CCDC87: variants seen among roughly 807,000 people sequenced by gnomAD.
CCDC87 encodes the protein coiled-coil domain containing 87.
For missense variants in CCDC87, 1,072 were observed against 1,041.7 expected (o/e 1.03, Z -0.40); for synonymous variants, 434 against 440.2 (o/e 0.99, Z 0.18).
chr11:66,591,460 G>C lies in CCDC87; in HGVS notation c.1556C>G (p.Ala519Gly), dbSNP rs1385131850. 5.0e-6 allele frequency: 8 copies of C among 1,614,048 alleles called. No individual in the cohort carries two copies. The highest frequency in any genetic ancestry group is 2.7e-5 in the African/African-American group (2 of 74,912). The change falls in exon 1 of 1, where the codon GCA (alanine) becomes GGA (glycine). Residue 519 changes from alanine (A) to glycine (G), a missense_variant. Physicochemically the swap from Ala to Gly is moderately conservative, Grantham distance 60 (BLOSUM62 0). Transcript: ENST00000333861. ...CAGGAAGGTCGACCAGTCTTTATCT[G>C]CTGCAGGCTCAACTAGGGGCCCTTG... Reference protein sequence around the residue: ...FDQGPLVEPAADKDWSTFLSS... With the variant: ...FDQGPLVEPAGDKDWSTFLSS...
At position 66,591,783 on chromosome 11, in the gene CCDC87, A is replaced by T; in HGVS notation, c.1233T>A (p.Ser411=). Residue 411 remains serine, a synonymous_variant, in exon 1 of 1, where the codon TCT becomes TCA. Coordinates refer to ENST00000333861, the MANE Select transcript of CCDC87 (RefSeq NM_018219.3). ...MLRNLQEEEA[S]GQWDPQPPKS... ...TGGGGGGCTGGGGGTCCCACTGCCC[A>T]GAGGCTTCTTCCTCCTGGAGGTTCC... The T allele has an allele frequency of 6.2e-7, 1 of 1,613,626 alleles. No individual in the cohort carries two copies. The highest frequency in any genetic ancestry group is 8.5e-7 in the Non-Finnish European group (1 of 1,179,990).
Position 66,592,087 on chromosome 11 carries a change from TG to T in CCDC87, c.928del (p.Gln310AsnfsTer26), listed in dbSNP as rs1858376089. The T allele has an allele frequency of 6.2e-7, 1 of 1,603,200 alleles. No homozygotes were observed. The highest frequency in any genetic ancestry group is 1.1e-5 in the South Asian group (1 of 89,832). On this transcript the variant is annotated frameshift_variant, in exon 1 of 1. Coordinates refer to ENST00000333861, the MANE Select transcript of CCDC87 (RefSeq NM_018219.3). LOFTEE classifies it low-confidence loss of function (END_TRUNC). The part of the protein sequence containing the change: ...SPFCPELRRG[Q>X]SMPSLREGWR... ...GCCCTCACGCAGGGAGGGCATGGAT[TG>T]GCCTCTCCGGAGCTCAGGGCAGAAA...
Position 66,590,363 on chromosome 11 carries a change from G to T in CCDC87, c.*103C>A. ...ATAGACAAATATTTCTTCTTCCAAA[G>T]CAGTAAAGAGGTCTAGATGAGCTGC... is the stretch of plus-strand genomic sequence containing the variant. On this transcript the variant is annotated 3_prime_UTR_variant, in exon 1 of 1. Transcript: ENST00000333861. The T allele has an allele frequency of 1.2e-6, 1 of 819,236 alleles. No individual in the cohort carries two copies. The highest frequency in any genetic ancestry group is 1.7e-5 in the South Asian group (1 of 59,150). The allele number at this position is 819,236 out of a possible 1,614,324, so 50.7% of individuals were successfully genotyped here.
chr11:66,590,619 G>A lies in CCDC87; in HGVS notation c.2397C>T (p.Ile799=). 1.2e-6 allele frequency: 2 copies of A among 1,614,220 alleles called. No homozygotes were observed. Among genetic ancestry groups the A allele is most frequent in the Non-Finnish European group, 1.7e-6 (2 of 1,180,038 alleles). The change falls in exon 1 of 1, where the codon ATC becomes ATT. Residue 799 remains isoleucine (I), a synonymous_variant. Coordinates refer to ENST00000333861, the MANE Select transcript of CCDC87 (RefSeq NM_018219.3). ...TGTCCAGGTAGGGCCGCCCCTTGAA[G>A]ATCACTGGCTCGCCAAAGATTAACT... ...EIELIFGEPV[I]FKGRPYLDKM...
chr11:66,592,465 C>T lies in CCDC87; in HGVS notation c.551G>A (p.Arg184Lys). The T allele has an allele frequency of 6.2e-7, 1 of 1,613,868 alleles. No homozygotes were observed. Among genetic ancestry groups the T allele is most frequent in the Non-Finnish European group, 8.5e-7 (1 of 1,180,016 alleles). ...CACATCCCCAGAGGCCTGCTCTGCC[C>T]TCAGCAGGGCCTGGAAGTCGGCAAG... ...GLLADFQALL[R>K]AEQASGDVDK... is the part of the protein sequence containing the mutation. The change falls in exon 1 of 1, where the codon AGG becomes AAG. Residue 184 changes from arginine (R) to lysine (K), a missense_variant. By Grantham distance (26) the Arg-to-Lys change is conservative. Coordinates refer to ENST00000333861, the MANE Select transcript of CCDC87 (RefSeq NM_018219.3).
Position 66,591,007 on chromosome 11 carries a change from T to TGG in CCDC87, c.2007_2008dup (p.His670ProfsTer10). Reference sequence around the variant, plus strand: ...CAGAATTTTGTGGGGTTCTCCCAGGTGGGGTGTCTTCCCAGCTCCTAGCCT... The same window carrying TGG: ...CAGAATTTTGTGGGGTTCTCCCAGGTGGGGGGTGTCTTCCCAGCTCCTAGCCT... On this transcript the variant is annotated frameshift_variant, in exon 1 of 1. Transcript: ENST00000333861. LOFTEE classifies it low-confidence loss of function (END_TRUNC). 1.2e-6 allele frequency: 2 copies of TGG among 1,613,966 alleles called. No homozygotes were observed. The highest frequency in any genetic ancestry group is 2.2e-5 in the East Asian group (1 of 44,880).
chr11:66,592,141 G>A lies in CCDC87; in HGVS notation c.875C>T (p.Ala292Val). 6.3e-7 allele frequency: 1 copy of A among 1,585,222 alleles called. No homozygotes were observed. Among genetic ancestry groups the A allele is most frequent in the Non-Finnish European group, 8.6e-7 (1 of 1,165,838 alleles). ...CGAGGGGGAAGCCCTGCTGGTGGGG[G>A]CCACAGGATAGCTGGGCAGCGACAC... Reference protein sequence around the residue: ...QMVSLPSYPVAPTSRASPSPF... With the variant: ...QMVSLPSYPVVPTSRASPSPF... The change falls in exon 1 of 1, where the codon GCC (alanine) becomes GTC (valine). Residue 292 changes from alanine to valine, a missense_variant. By Grantham distance (64) the Ala-to-Val change is moderately conservative (BLOSUM62 0). Coordinates refer to ENST00000333861, the MANE Select transcript of CCDC87 (RefSeq NM_018219.3).
Position 66,592,420 on chromosome 11 carries a change from C to T in CCDC87, c.596G>A (p.Cys199Tyr), listed in dbSNP as rs771146081. The T allele has an allele frequency of 2.5e-6, 4 of 1,613,988 alleles. No individual in the cohort carries two copies. In the Admixed American group the frequency reaches 5.0e-5, roughly 20 times the overall value. ...GCACAGCTTGAACGTCCCAGCGGGG[C>T]AGACAGGGTGCAGCTTGTCCACATC... is the stretch of plus-strand genomic sequence containing the variant. ...SGDVDKLHPV[C>Y]PAGTFKLCPI... Residue 199 changes from cysteine to tyrosine, a missense_variant, in exon 1 of 1, where the codon TGC becomes TAC. Coordinates refer to ENST00000333861, the MANE Select transcript of CCDC87 (RefSeq NM_018219.3).
chr11:66,592,114 G>T lies in CCDC87; in HGVS notation c.902C>A (p.Pro301His). The change falls in exon 1 of 1, where the codon CCT (proline) becomes CAT (histidine). Residue 301 changes from proline (P) to histidine (H), a missense_variant. Physicochemically the swap from Pro to His is moderately conservative, Grantham distance 77. Transcript: ENST00000333861. ...GCCTCTCCGGAGCTCAGGGCAGAAA[G>T]GCGAGGGGGAAGCCCTGCTGGTGGG... ...VAPTSRASPS[P>H]FCPELRRGQS... 6.3e-7 allele frequency: 1 copy of T among 1,588,876 alleles called. No individual in the cohort carries two copies. The highest frequency in any genetic ancestry group is 8.6e-7 in the Non-Finnish European group (1 of 1,167,470).
Position 66,590,393 on chromosome 11 carries a change from CA to C in CCDC87, c.*72del, listed in dbSNP as rs890516120. 1.9e-5 allele frequency: 22 copies of C among 1,155,374 alleles called. No homozygotes were observed. The highest frequency in any genetic ancestry group is 2.5e-5 in the Non-Finnish European group (20 of 802,610). The allele number at this position is 1,155,374 out of a possible 1,614,324, so 71.6% of individuals were successfully genotyped here. ...AAAGAGGTCTAGATGAGCTGCTGGC[CA>C]TTTAGGGGTGAGGGAGGCATTTGAG... On this transcript the variant is annotated 3_prime_UTR_variant, in exon 1 of 1. Coordinates refer to ENST00000333861, the MANE Select transcript of CCDC87 (RefSeq NM_018219.3).
chr11:66,591,250 T>G lies in CCDC87; in HGVS notation c.1766A>C (p.Lys589Thr). 6.2e-7 allele frequency: 1 copy of G among 1,614,242 alleles called. No individual in the cohort carries two copies. Among genetic ancestry groups the G allele is most frequent in the Non-Finnish European group, 8.5e-7 (1 of 1,180,038 alleles). Residue 589 changes from lysine to threonine, a missense_variant, in exon 1 of 1, where the codon AAA becomes ACA. Transcript: ENST00000333861. Reference protein sequence around the residue: ...SNKASLMNSWKTTLSVDDYFK... With the variant: ...SNKASLMNSWTTTLSVDDYFK... Reference sequence around the variant, plus strand: ...GTAGTCATCCACAGACAAGGTGGTTTTCCATGAGTTCATCAAGGAGGCCTT... The same window carrying G: ...GTAGTCATCCACAGACAAGGTGGTTGTCCATGAGTTCATCAAGGAGGCCTT...
In CCDC87 at chr11:66,591,333, C is replaced by T. The variant is rs776833802; in HGVS notation, c.1683G>A (p.Lys561=). The change falls in exon 1 of 1, where the codon AAG becomes AAA. Residue 561 remains lysine (K), a synonymous_variant. Coordinates refer to ENST00000333861, the MANE Select transcript of CCDC87 (RefSeq NM_018219.3). The stretch of plus-strand genomic sequence containing the variant: ...GGAGTGATGGGAGGGAGGGCATCTT[C>T]TTAGTATTGGACTGTAAAGTGTTTG... ...QRANTLQSNT[K]KMPSLPSLQA... 6.2e-7 allele frequency: 1 copy of T among 1,614,140 alleles called. No individual in the cohort carries two copies. The highest frequency in any genetic ancestry group is 8.5e-7 in the Non-Finnish European group (1 of 1,180,020).
Position 66,590,732 on chromosome 11 carries a change from A to C in CCDC87, c.2284T>G (p.Phe762Val), listed in dbSNP as rs1445258948. 4 of 1,613,510 alleles carry C rather than the reference A, an allele frequency of 2.5e-6. No homozygotes were observed. In the African/African-American group the frequency reaches 5.3e-5, roughly 22 times the overall value. Residue 762 changes from phenylalanine (F) to valine (V), a missense_variant, in exon 1 of 1, where the codon TTC becomes GTC. Physicochemically the swap from Phe to Val is conservative, Grantham distance 50. Coordinates refer to ENST00000333861, the MANE Select transcript of CCDC87 (RefSeq NM_018219.3). ...CTTCGGACCTGATTCTCCTCCAGGA[A>C]GTGACTGGAGCTCAAGTTGGTCTTT... ...FKKTNLSSSH[F>V]LEENQVRSHL... is the part of the protein sequence containing the mutation.
rs575497542 is a variant in CCDC87, at chr11:66,592,587, C to T, written c.429G>A (p.Gly143=). The T allele has an allele frequency of 8.1e-6, 13 of 1,613,376 alleles. No individual in the cohort carries two copies. In the African/African-American group the frequency reaches 9.3e-5, roughly 12 times the overall value. ...TGAGGGTGGCTGATTCAGTGAAGACCCCCCTGGGAGTCGACATGGTCACCA... is the reference window on the plus strand; with the variant it reads ...TGAGGGTGGCTGATTCAGTGAAGACTCCCCTGGGAGTCGACATGGTCACCA... The part of the protein sequence containing the change: ...HLLVTMSTPR[G]VFTESATLTR... The change falls in exon 1 of 1, where the codon GGG becomes GGA. Residue 143 remains glycine (G), a synonymous_variant. Transcript: ENST00000333861.
In CCDC87 at chr11:66,591,904, T is replaced by C; in HGVS notation, c.1112A>G (p.Tyr371Cys). The C allele has an allele frequency of 1.9e-6, 3 of 1,613,818 alleles. No homozygotes were observed. The highest frequency in any genetic ancestry group is 1.7e-6 in the Non-Finnish European group (2 of 1,180,006). ...IKKMKLEGTRYPPLDSGLPPL... is the reference protein window; with the variant it reads ...IKKMKLEGTRCPPLDSGLPPL... ...AGGCAGGCCTGAGTCCAGTGGTGGG[T>C]AGCGAGTCCCCTCCAACTTCATCTT... Residue 371 changes from tyrosine to cysteine, a missense_variant, in exon 1 of 1, where the codon TAC (tyrosine) becomes TGC (cysteine). Coordinates refer to ENST00000333861, the MANE Select transcript of CCDC87 (RefSeq NM_018219.3).
rs764561779 is a variant in CCDC87 at position 66,592,643 on chromosome 11, C to T, written c.373G>A (p.Glu125Lys). 83 of 1,613,592 alleles carry T rather than the reference C, an allele frequency of 5.1e-5. 1 individual carries two copies. The Middle Eastern group carries it at 5.6e-3, about 109-fold the overall frequency. Residue 125 changes from glutamate to lysine, a missense_variant, in exon 1 of 1, where the codon GAG becomes AAG. Transcript: ENST00000333861. ...RLEAYVLLSS[E>K]QLFLRYLHLL... Reference sequence around the variant, plus strand: ...TGCAGGTAGCGCAAGAAGAGCTGCTCGCTGCTCAGCAGCACGTAGGCCTCG... The same window carrying T: ...TGCAGGTAGCGCAAGAAGAGCTGCTTGCTGCTCAGCAGCACGTAGGCCTCG...
At position 66,590,863 on chromosome 11, in the gene CCDC87, A is replaced by C; in HGVS notation, c.2153T>G (p.Val718Gly). ...CTTCAGGGCCCGCTCCCAGGCATTC[A>C]CCAATGAAGGCAGCTGCCTCAGGCG... The part of the protein sequence containing the change: ...KARLRQLPSL[V>G]NAWERALKPI... Residue 718 changes from valine (V) to glycine (G), a missense_variant, in exon 1 of 1, where the codon GTG becomes GGG. Val to Gly is a moderately radical substitution (Grantham distance 109). Transcript: ENST00000333861. 1 of 1,613,930 alleles carries C rather than the reference A, an allele frequency of 6.2e-7. No individual in the cohort carries two copies. Among genetic ancestry groups the C allele is most frequent in the Non-Finnish European group, 8.5e-7 (1 of 1,180,044 alleles).
rs1444094157 is a variant in CCDC87, at chr11:66,591,912, C to A, written c.1104G>T (p.Gly368=). The A allele has an allele frequency of 6.2e-7, 1 of 1,613,922 alleles. No individual in the cohort carries two copies. The highest frequency in any genetic ancestry group is 8.5e-7 in the Non-Finnish European group (1 of 1,180,026). ...KQLIKKMKLE[G]TRYPPLDSGL... ...CTGAGTCCAGTGGTGGGTAGCGAGT[C>A]CCCTCCAACTTCATCTTCTTTATCA... The change falls in exon 1 of 1, where the codon GGG becomes GGT. Residue 368 remains glycine, a synonymous_variant. Coordinates refer to ENST00000333861, the MANE Select transcript of CCDC87 (RefSeq NM_018219.3).
chr11:66,591,962 T>C lies in CCDC87; in HGVS notation c.1054A>G (p.Ile352Val), dbSNP rs1008372278. 1.2e-6 allele frequency: 2 copies of C among 1,613,802 alleles called. No individual in the cohort carries two copies. The highest frequency in any genetic ancestry group is 1.3e-5 in the African/African-American group (1 of 74,944). ...AACTGCTTCAGATCCTCAGCCACGA[T>C]GAGCCCAGTCAGCTCTGGTTTGCTC... ...TESKPELTGL[I>V]VAEDLKQLIK... The change falls in exon 1 of 1, where the codon ATC (isoleucine) becomes GTC (valine). Residue 352 changes from isoleucine to valine, a missense_variant. By Grantham distance (29) the Ile-to-Val change is conservative. Transcript: ENST00000333861.
Sources: gnomAD v4.1 joint callset for allele counts on GRCh38, gnomAD v4.1.1 for gene constraint, MANE v1.5 for transcripts, NCBI Gene and HGNC (gene_info 2026-07-23, HGNC 2026-07-21) for gene names.